ATRNL1: variants seen among roughly 807,000 people sequenced by gnomAD.
The protein encoded by ATRNL1 is attractin like 1, also known as attractin-like protein 1.
ATRNL1 carries 95 observed loss-of-function variants against 182.7 expected under a neutral mutation model. The observed-to-expected ratio is 0.52, with a 90% CI of 0.44 to 0.62. The LOEUF (loss-of-function observed/expected upper bound fraction) is 0.62. Ranked by LOEUF, ATRNL1 falls within the 20% of genes least tolerant of loss-of-function variation. The probability of loss-of-function intolerance (pLI) is 0.00; values close to 1 mark genes in which losing one functional copy is unlikely to be tolerated. For missense variants in ATRNL1, 1,471 were observed against 1,679.5 expected (o/e 0.88, Z 2.17); for synonymous variants, 576 against 568.3 (o/e 1.01, Z -0.19).
chr10:115,719,416 T>A (rs1303833410), intron 26 of ATRNL1, among the ~76,000 whole-genome samples: 2 of 152,208 alleles, frequency 1.3e-5, no homozygotes, highest in Non-Finnish European at 2.9e-5. Flanking sequence ...TTCAGTGTTA[T>A]GAAGACTTAA....
rs138709567 is a variant in ATRNL1 at position 115,559,414 on chromosome 10, TTG to T, written c.3795+9907_3795+9908del. Among the ~76,000 whole-genome samples, 1,423 of 147,588 alleles carry T rather than the reference TTG, an allele frequency of 9.6e-3. 14 individuals carry two copies. Among genetic ancestry groups the T allele is most frequent in the East Asian group, 0.05 (231 of 4,634 alleles). On this transcript the variant is annotated intron_variant, in intron 26 of 28. Coordinates refer to ENST00000355044, the MANE Select transcript of ATRNL1 (RefSeq NM_207303.4). ...CCTGACATACTCTCATTCTTGGTGT[TTG>T]TGTGTGTGTGTGTGTGTGTGTGTGT...
At chr10:115,631,156 C>T (rs1033162499) in intron 26 of ATRNL1, among the ~76,000 whole-genome samples, 1 of 151,794 alleles carries the variant, frequency 6.6e-6, no homozygotes, top group African/African-American at 2.4e-5. Flanking sequence ...TAATGTGCAG[C>T]ATGGGGAGTA....
At position 115,543,729 on chromosome 10, in the gene ATRNL1, C is replaced by G. The variant is rs566372468; in HGVS notation, c.3717-5729C>G. Among the ~76,000 whole-genome samples, 3 of 151,954 alleles carry G rather than the reference C, an allele frequency of 2.0e-5. No individual in the cohort carries two copies. The East Asian group carries it at 5.8e-4, about 29-fold the overall frequency. The stretch of plus-strand genomic sequence containing the variant: ...TTATATTGAATTCTTTTAATTTTCC[C>G]TAAATGAGATTACCTAATAAGTTCC... On this transcript the variant is annotated intron_variant, in intron 25 of 28. Transcript: ENST00000355044.
In ATRNL1 at chr10:115,918,461, C is replaced by T. The variant is rs1555117951; in HGVS notation, c.4019-26197C>T. ...TGTACAGATCTAGAAGTAGTGCTAG[C>T]TACATTACTTGTGGAATATAAGGTT... On this transcript the variant is annotated intron_variant, in intron 28 of 28. Transcript: ENST00000355044. Among the ~76,000 whole-genome samples, 4 of 152,192 alleles carry T rather than the reference C, an allele frequency of 2.6e-5. No individual in the cohort carries two copies. The East Asian group carries it at 7.7e-4, about 29-fold the overall frequency.
At chr10:115,482,444 T>G (rs1565089845) in intron 24 of ATRNL1, among the ~76,000 whole-genome samples, 2 of 151,106 alleles carry the variant, frequency 1.3e-5, no homozygotes, top group Non-Finnish European at 3.0e-5. Context: ...TCTTTTAACT[T>G]TTATGTAATT....
chr10:115,371,271 T>A (rs1857380351), intron 19 of ATRNL1, among the ~76,000 whole-genome samples: 1 of 152,128 alleles, frequency 6.6e-6, no homozygotes, highest in Non-Finnish European at 1.5e-5. Flanking sequence ...CTAGGTGTGA[T>A]GCCTAGTGGA....
chr10:115,398,597 G>C (rs1183193920), intron 20 of ATRNL1, among the ~76,000 whole-genome samples: 4 of 152,050 alleles, frequency 2.6e-5, no homozygotes, highest in Non-Finnish European at 5.9e-5. Context: ...AGCTGAAGAA[G>C]CTTTTGGGCC....
At chr10:115,541,049 T>C (rs1385522134) in intron 25 of ATRNL1, among the ~76,000 whole-genome samples, 1 of 152,116 alleles carries the variant, frequency 6.6e-6, no homozygotes, top group Non-Finnish European at 1.5e-5. Flanking sequence ...ACACATAAAA[T>C]ACTATAACAA....
At chr10:115,349,499 G>A (rs782424774) in intron 19 of ATRNL1, among the ~76,000 whole-genome samples, 27 of 152,222 alleles carry the variant, frequency 1.8e-4, no homozygotes, top group Non-Finnish European at 3.1e-4. Flanking sequence ...TGGATCATAC[G>A]TAGTTCTGTT....
intron 17 of ATRNL1, among the ~76,000 whole-genome samples, chr10:115,308,663 A>G (rs1554926944): frequency 1.3e-5 from 2 of 152,154 alleles, no homozygotes; most frequent in African/African-American, 2.4e-5. Flanking sequence ...CATATTTCAT[A>G]CAAGTCCTTA....
At chr10:115,642,784 T>C (rs1390628824) in intron 26 of ATRNL1, among the ~76,000 whole-genome samples, 1 of 152,140 alleles carries the variant, frequency 6.6e-6, no homozygotes, top group Non-Finnish European at 1.5e-5. Flanking sequence ...GCTGATAAAA[T>C]TTATATGGAA....
chr10:115,469,856 C>T (rs1056252082), intron 24 of ATRNL1, among the ~76,000 whole-genome samples: 12 of 150,410 alleles, frequency 8.0e-5, no homozygotes, highest in Admixed American at 2.7e-4. Context: ...CTACTTAAGA[C>T]GTCAGATTTA....
At chr10:115,693,656 G>A (rs1053619583) in intron 26 of ATRNL1, among the ~76,000 whole-genome samples, 2 of 152,000 alleles carry the variant, frequency 1.3e-5, no homozygotes, top group African/African-American at 2.4e-5. Flanking sequence ...TAGGCTATAC[G>A]GTATGGCCTA....
At chr10:115,908,222 C>T (rs1246679060) in intron 28 of ATRNL1, among the ~76,000 whole-genome samples, 1 of 152,126 alleles carries the variant, frequency 6.6e-6, no homozygotes, top group East Asian at 1.9e-4. Context: ...GAGGCCCTAG[C>T]AAATTACCAC....
chr10:115,257,323 G>A (rs1343673657), intron 10 of ATRNL1, among the ~76,000 whole-genome samples: 2 of 152,260 alleles, frequency 1.3e-5, no homozygotes, highest in East Asian at 3.9e-4. Flanking sequence ...TGTATTGGGT[G>A]CATATATATT....
At chr10:115,787,119 G>C (rs1949416096) in intron 27 of ATRNL1, among the ~76,000 whole-genome samples, 1 of 152,098 alleles carries the variant, frequency 6.6e-6, no homozygotes, top group Non-Finnish European at 1.5e-5. Context: ...ACCTAGCCTG[G>C]GATTTGTTAC....
chr10:115,486,078 T>C (rs553846275), intron 24 of ATRNL1, among the ~76,000 whole-genome samples: 1 of 152,266 alleles, frequency 6.6e-6, no homozygotes, highest in South Asian at 2.1e-4. Context: ...CATGAACTCA[T>C]CATTTTTTAT....
At chr10:115,627,408 AG>A (rs1858174941) in intron 26 of ATRNL1, among the ~76,000 whole-genome samples, 1 of 152,138 alleles carries the variant, frequency 6.6e-6, no homozygotes, top group South Asian at 2.1e-4. Flanking sequence ...TTTGTTGCTA[AG>A]ACTGGAGTGC....
chr10:115,924,419 T>C (rs1555119442), intron 28 of ATRNL1, among the ~76,000 whole-genome samples: 1 of 152,184 alleles, frequency 6.6e-6, no homozygotes, highest in Non-Finnish European at 1.5e-5. Context: ...TTGAATTAAT[T>C]TTTGTATAAG....
Sources: gnomAD v4.1 joint callset for allele counts (sites outside exome capture counted in the v4.1 genomes callset) on GRCh38, gnomAD v4.1.1 for gene constraint, MANE v1.5 for transcripts, NCBI Gene and HGNC (gene_info 2026-07-23, HGNC 2026-07-21) for gene names.